ACTA2: variants seen among roughly 807,000 people sequenced by gnomAD.
ACTA2 encodes actin, aortic smooth muscle.
ACTA2 carries 12 observed loss-of-function variants against 39.5 expected under a neutral mutation model. The ratio of observed to expected loss-of-function variants is 0.30; its 90% CI spans 0.19 to 0.49. ACTA2 has a LOEUF of 0.49. Ranked by LOEUF, ACTA2 falls within the 20% of genes least tolerant of loss-of-function variation. The probability of loss-of-function intolerance (pLI) is 0.99; values close to 1 mark genes in which losing one functional copy is unlikely to be tolerated. For missense variants in ACTA2, 236 were observed against 498.8 expected (o/e 0.47, Z 5.02); for synonymous variants, 158 against 180.6 (o/e 0.88, Z 1.00).
At chr10:88,943,646 C>T in intron 4 of ACTA2, 151 bp downstream of exon 4, 1 of 723,380 alleles carries the variant, frequency 1.4e-6, no homozygotes, top group South Asian at 1.5e-5. Context: ...TCAAGCTGTT[C>T]CTGTCCTTTG....
intron 3 of ACTA2, among the ~76,000 whole-genome samples, chr10:88,944,397 C>G (rs570126008): frequency 2.0e-4 from 30 of 152,286 alleles, no homozygotes; most frequent in African/African-American, 6.5e-4. Flanking sequence ...TATTATTCAA[C>G]TCTATTTTCT....
At chr10:88,960,166 C>T (rs768525388) in intron 1 of ACTA2, among the ~76,000 whole-genome samples, 1 of 151,988 alleles carries the variant, frequency 6.6e-6, no homozygotes, top group African/African-American at 2.4e-5. Flanking sequence ...TACACTTCAC[C>T]CCCTTGAGGA....
rs1846389967 is a variant in ACTA2, at chr10:88,969,690, T to A, written c.-23-20737A>T. ...ACCATATCATCCTCCCAACTATATC[T>A]TTTCATATACGTTAATAGCACTCTA... On this transcript the variant is annotated intron_variant, in intron 1 of 4. Transcript: ENST00000415557. Among the ~76,000 whole-genome samples the A allele has an allele frequency of 2.0e-5, 3 of 152,222 alleles. No individual in the cohort carries two copies. The South Asian group carries it at 6.2e-4, about 32-fold the overall frequency.
At chr10:88,963,172 G>A (rs1233227361) in intron 1 of ACTA2, among the ~76,000 whole-genome samples, 2 of 151,358 alleles carry the variant, frequency 1.3e-5, no homozygotes, top group Non-Finnish European at 3.0e-5. Context: ...TGAGACTTGG[G>A]TGGGGACACA....
intron 1 of ACTA2, among the ~76,000 whole-genome samples, chr10:88,981,336 T>G (rs1303456743): frequency 6.6e-6 from 1 of 152,200 alleles, no homozygotes; most frequent in Non-Finnish European, 1.5e-5. Context: ...GTTAAACCCT[T>G]GATAAATATT....
chr10:88,945,387 GT>G (rs1258855621), intron 3 of ACTA2, among the ~76,000 whole-genome samples: 1 of 152,144 alleles, frequency 6.6e-6, no homozygotes, highest in African/African-American at 2.4e-5. Context: ...ACAACATTAT[GT>G]ATTTTTCTTT....
chr10:88,951,682 TC>T (rs1272476364), intron 1 of ACTA2, among the ~76,000 whole-genome samples: 2 of 152,152 alleles, frequency 1.3e-5, no homozygotes, highest in Non-Finnish European at 2.9e-5. Context: ...TAAAACACGC[TC>T]GAGTGTCTGC....
chr10:88,983,636 AAAACACACACAC>A (rs1846777399), intron 1 of ACTA2, among the ~76,000 whole-genome samples: 3 of 117,256 alleles, frequency 2.6e-5, no homozygotes, highest in South Asian at 5.3e-4. Context: ...AAAAAAAAAA[AAAACACACACAC>A]ACACACACAC....
intron 1 of ACTA2, among the ~76,000 whole-genome samples, chr10:88,988,674 TAAAATA>T (rs1192960811): frequency 6.6e-6 from 1 of 152,130 alleles, no homozygotes; most frequent in Non-Finnish European, 1.5e-5. Context: ...AATATGCTGG[TAAAATA>T]AAAATAACCT....
chr10:88,937,992 G>A (rs936525784), intron 8 of ACTA2, 69 bp downstream of exon 8: 12 of 1,574,506 alleles, frequency 7.6e-6, no homozygotes, highest in African/African-American at 2.7e-5. Flanking sequence ...TCTCTGAAGA[G>A]TTCTTATCTG....
intron 1 of ACTA2, among the ~76,000 whole-genome samples, chr10:88,949,811 T>A (rs1482178887): frequency 6.6e-6 from 1 of 152,228 alleles, no homozygotes; most frequent in Non-Finnish European, 1.5e-5. Flanking sequence ...TTAATCATAT[T>A]TACCAAGATG....
chr10:88,984,474 A>T (rs1043314879), intron 1 of ACTA2, among the ~76,000 whole-genome samples: 1 of 152,222 alleles, frequency 6.6e-6, no homozygotes, highest in Non-Finnish European at 1.5e-5. Flanking sequence ...TCAAGTGGCA[A>T]ATGACACTAG....
intron 3 of ACTA2, chr10:88,946,972 A>G (rs1358094314): frequency 5.3e-5 from 13 of 246,236 alleles, no homozygotes; most frequent in East Asian, 1.1e-4. Context: ...ATTCCCACCT[A>G]TGAGTGAGAA....
At position 88,990,172 on chromosome 10, in the gene ACTA2, T is replaced by G. The variant is rs759237217; in HGVS notation, c.-24+767A>C. On this transcript the variant is annotated intron_variant, in intron 1 of 4. Coordinates refer to the ACTA2 transcript ENST00000415557. This position sits in a 1 kb window ranked among gnomAD's most constrained non-coding sequence, Gnocchi z 4.9. Reference sequence around the variant, plus strand: ...TTTCAGAGCCCTATGGCGCAACATCTGTACTTTTTCATATGGTTAACTGTC... The same window carrying G: ...TTTCAGAGCCCTATGGCGCAACATCGGTACTTTTTCATATGGTTAACTGTC... 2.0e-5 allele frequency among the ~76,000 whole-genome samples: 3 copies of G among 152,178 alleles called. No homozygotes were observed. Among genetic ancestry groups the G allele is most frequent in the Non-Finnish European group, 4.4e-5 (3 of 68,028 alleles).
At chr10:88,985,478 A>C (rs1023939768) in intron 1 of ACTA2, among the ~76,000 whole-genome samples, 1 of 152,156 alleles carries the variant, frequency 6.6e-6, no homozygotes, top group Admixed American at 6.5e-5. Context: ...TTTCTACCCA[A>C]GTGCTCTGGG....
chr10:88,954,592 T>C (rs1189485805), upstream of ACTA2, among the ~76,000 whole-genome samples: 1 of 152,182 alleles, frequency 6.6e-6, no homozygotes, highest in Non-Finnish European at 1.5e-5. Context: ...TGACTGTTCA[T>C]CTAAACACCA....
chr10:88,963,907 T>G (rs1846278152), intron 1 of ACTA2, among the ~76,000 whole-genome samples: 1 of 152,194 alleles, frequency 6.6e-6, no homozygotes, highest in Admixed American at 6.6e-5. Context: ...AATGCTACAG[T>G]TTCTAATCCT....
chr10:88,968,152 G>A (rs1463339352), intron 1 of ACTA2, among the ~76,000 whole-genome samples: 27 of 151,992 alleles, frequency 1.8e-4, no homozygotes, highest in Admixed American at 1.8e-3. Flanking sequence ...CTTGTATTTT[G>A]CATATTTAAT....
intron 3 of ACTA2, among the ~76,000 whole-genome samples, chr10:88,946,131 C>G (rs1293124673): frequency 6.6e-6 from 1 of 152,104 alleles, no homozygotes; most frequent in Non-Finnish European, 1.5e-5. Flanking sequence ...GAGTCTTGCT[C>G]TGTTGCCCAG....
Sources: allele counts gnomAD v4.1 joint callset (sites outside exome capture counted in the v4.1 genomes callset), GRCh38; gene constraint gnomAD v4.1.1; non-coding constraint Gnocchi (gnomAD v3.1); transcripts MANE v1.5; gene names NCBI Gene and HGNC (gene_info 2026-07-23, HGNC 2026-07-21).